GRID2: variants seen among roughly 807,000 people sequenced by gnomAD.
The protein encoded by GRID2 is glutamate ionotropic receptor delta type subunit 2, also known as glutamate receptor ionotropic, delta-2.
A neutral mutation model predicts 114.8 loss-of-function variants in GRID2; 33 were observed. That is an observed-to-expected ratio of 0.29 (90% CI 0.22 to 0.38). The LOEUF (loss-of-function observed/expected upper bound fraction) is 0.38, where lower values mean the gene tolerates loss of function less well. Among genes scored for constraint, GRID2 ranks in the 10% least tolerant of loss-of-function variants. The pLI is 1.00. For synonymous variants in GRID2, 505 were observed against 449.9 expected (o/e 1.12, Z -1.55); for missense variants, 1,184 against 1,257.7 (o/e 0.94, Z 0.89).
At chr4:92,476,998 C>G (rs1722343215) in intron 1 of GRID2, among the ~76,000 whole-genome samples, 1 of 147,816 alleles carries the variant, frequency 6.8e-6, no homozygotes, top group Admixed American at 6.8e-5. Context: ...GGATAAAAAT[C>G]CTTTGCAAAA....
At chr4:93,346,908 A>G (rs1049939198) in intron 8 of GRID2, among the ~76,000 whole-genome samples, 1 of 152,184 alleles carries the variant, frequency 6.6e-6, no homozygotes, top group African/African-American at 2.4e-5. Flanking sequence ...CTAAGTTTTG[A>G]TAAATAATAT....
At chr4:92,934,904 C>T (rs1750538585) in intron 2 of GRID2, among the ~76,000 whole-genome samples, 1 of 146,934 alleles carries the variant, frequency 6.8e-6, no homozygotes. Context: ...GGATTAAAGA[C>T]TTAAACGTTC....
intron 9 of GRID2, among the ~76,000 whole-genome samples, chr4:93,410,878 C>T (rs1176928461): frequency 2.6e-5 from 4 of 152,136 alleles, no homozygotes; most frequent in African/African-American, 4.8e-5. Context: ...CCACAGTGCC[C>T]GGCCTCTCTA....
intron 4 of GRID2, among the ~76,000 whole-genome samples, chr4:93,148,433 AC>A (rs1736447253): frequency 6.6e-6 from 1 of 152,134 alleles, no homozygotes; most frequent in Non-Finnish European, 1.5e-5. Context: ...AATAGAAGAG[AC>A]CTTGCGTGAA....
At chr4:92,984,078 A>T (rs1188903376) in intron 2 of GRID2, among the ~76,000 whole-genome samples, 1 of 152,234 alleles carries the variant, frequency 6.6e-6, no homozygotes, top group Non-Finnish European at 1.5e-5. Flanking sequence ...GTTTCTTCTA[A>T]TTCAAATAAA....
At chr4:93,259,092 A>C in intron 8 of GRID2, 1 of 335,828 alleles carries the variant, frequency 3.0e-6, no homozygotes, top group Admixed American at 3.7e-5. Flanking sequence ...TTTTGCTTTA[A>C]GTTGATCTTG....
intron 13 of GRID2, among the ~76,000 whole-genome samples, chr4:93,561,582 G>T (rs368197658): frequency 8.1e-4 from 123 of 152,138 alleles, no homozygotes; most frequent in African/African-American, 2.6e-3. Context: ...TTCACTCTTG[G>T]TGTTGTACAT....
At chr4:93,442,972 C>G (rs1017136243) in intron 10 of GRID2, among the ~76,000 whole-genome samples, 1 of 152,032 alleles carries the variant, frequency 6.6e-6, no homozygotes, top group African/African-American at 2.4e-5. Context: ...ATTCTCTTCT[C>G]TCTGTCACGC....
chr4:92,633,332 T>G (rs567161105), intron 2 of GRID2, among the ~76,000 whole-genome samples: 2 of 152,278 alleles, frequency 1.3e-5, no homozygotes, highest in South Asian at 2.1e-4. Context: ...AAAATACAAC[T>G]TAAATTTGGA....
At chr4:92,874,576 A>G (rs1169162346) in intron 2 of GRID2, among the ~76,000 whole-genome samples, 1 of 152,194 alleles carries the variant, frequency 6.6e-6, no homozygotes, top group Non-Finnish European at 1.5e-5. Flanking sequence ...ACTTTCCATT[A>G]CTTTTGAAAG....
At chr4:93,511,365 G>A (rs1041917310) in intron 12 of GRID2, among the ~76,000 whole-genome samples, 6 of 152,230 alleles carry the variant, frequency 3.9e-5, no homozygotes, top group African/African-American at 1.4e-4. Flanking sequence ...GTACCTCAGT[G>A]TATGTACTGT....
chr4:92,379,119 C>T (rs1729495551), intron 1 of GRID2, among the ~76,000 whole-genome samples: 1 of 151,832 alleles, frequency 6.6e-6, no homozygotes, highest in Admixed American at 6.6e-5. Context: ...TGCAAAATGA[C>T]AACTAAATTT....
chr4:93,744,845 C>A (rs1731710156), intron 14 of GRID2, among the ~76,000 whole-genome samples: 1 of 152,120 alleles, frequency 6.6e-6, no homozygotes, highest in Non-Finnish European at 1.5e-5. Context: ...TATCTTACTT[C>A]AAGAATGGCT....
chr4:93,185,786 G>A (rs1048155622), intron 4 of GRID2, among the ~76,000 whole-genome samples: 11 of 152,126 alleles, frequency 7.2e-5, no homozygotes, highest in African/African-American at 2.7e-4. Context: ...TAGGGTATAT[G>A]TGCACTACGT....
intron 2 of GRID2, among the ~76,000 whole-genome samples, chr4:93,062,414 T>C (rs1727886820): frequency 1.3e-5 from 2 of 152,122 alleles, no homozygotes; most frequent in Admixed American, 6.6e-5. Flanking sequence ...ATGAAGAGAA[T>C]CATATTTGCT....
chr4:93,093,149 T>G, intron 3 of GRID2, among the ~76,000 whole-genome samples: 1 of 152,200 alleles, frequency 6.6e-6, no homozygotes, highest in Admixed American at 6.6e-5. Context: ...ATGTGCATGC[T>G]TGTTGGCCCC....
chr4:92,361,228 A>G (rs1042494536), intron 1 of GRID2, among the ~76,000 whole-genome samples: 2 of 152,046 alleles, frequency 1.3e-5, no homozygotes, highest in African/African-American at 2.4e-5. Flanking sequence ...TATCAGAGCC[A>G]TAACTTAACA....
chr4:93,202,815 T>C (rs1387451220), intron 4 of GRID2, among the ~76,000 whole-genome samples: 1 of 152,166 alleles, frequency 6.6e-6, no homozygotes, highest in Non-Finnish European at 1.5e-5. Context: ...AATTTGATAA[T>C]ACATGAGAAG....
intron 1 of GRID2, among the ~76,000 whole-genome samples, chr4:93,789,957 G>C (rs1273108922): frequency 6.6e-6 from 1 of 152,116 alleles, no homozygotes; most frequent in Admixed American, 6.5e-5. Flanking sequence ...ATTCTCATAG[G>C]AGTGTGACCC....
Sources: gnomAD v4.1 joint callset for allele counts (sites outside exome capture counted in the v4.1 genomes callset) on GRCh38, gnomAD v4.1.1 for gene constraint, MANE v1.5 for transcripts, NCBI Gene and HGNC (gene_info 2026-07-23, HGNC 2026-07-21) for gene names.